The following ARHGAP15 variants were observed in gnomAD, a reference collection of about 807,000 sequenced individuals.
The protein encoded by ARHGAP15 is Rho GTPase activating protein 15.
ARHGAP15 carries 51 observed loss-of-function variants against 63.7 expected under a neutral mutation model. The ratio of observed to expected loss-of-function variants is 0.80; its 90% CI spans 0.64 to 1.01. The LOEUF is 1.01. Among genes scored for constraint, ARHGAP15 ranks in the 50% least tolerant of loss-of-function variants. The probability of loss-of-function intolerance (pLI) is 0.00; values close to 1 mark genes in which losing one functional copy is unlikely to be tolerated. For synonymous variants in ARHGAP15, 191 were observed against 193.8 expected, an observed-to-expected ratio of 0.99 and a Z score of 0.12; for missense variants, 560 against 564.6, an observed-to-expected ratio of 0.99 and a Z score of 0.08.
chr2:143,191,124 G>GA (rs1691671257), intron 2 of ARHGAP15, among the ~76,000 whole-genome samples: 2 of 152,120 alleles, frequency 1.3e-5, no homozygotes. Context: ...AAAAGGTCAG[G>GA]TTTTTTTCTT....
intron 10 of ARHGAP15, among the ~76,000 whole-genome samples, chr2:143,544,985 C>A (rs1193442296): frequency 6.6e-6 from 1 of 152,160 alleles, no homozygotes; most frequent in African/African-American, 2.4e-5. Flanking sequence ...TTAGGAGCAC[C>A]TTCTTCTTTG....
intron 6 of ARHGAP15, among the ~76,000 whole-genome samples, chr2:143,337,479 G>A (rs1176655313): frequency 6.6e-6 from 1 of 152,106 alleles, no homozygotes; most frequent in African/African-American, 2.4e-5. Flanking sequence ...CAGGGATTTT[G>A]CCTACCTAGG....
At chr2:143,446,861 G>A (rs1690167682) in intron 8 of ARHGAP15, among the ~76,000 whole-genome samples, 1 of 144,828 alleles carries the variant, frequency 6.9e-6, no homozygotes, top group African/African-American at 2.6e-5. Context: ...TCCCACCTAT[G>A]AGTGAGAATA....
intron 12 of ARHGAP15, among the ~76,000 whole-genome samples, chr2:143,664,736 T>A (rs984290888): frequency 6.6e-6 from 1 of 152,014 alleles, no homozygotes; most frequent in Non-Finnish European, 1.5e-5. Context: ...AAAGGGGATA[T>A]CACCACCGAT....
At position 143,439,459 on chromosome 2, in the gene ARHGAP15, A is replaced by G. The variant is rs1384353939; in HGVS notation, c.703+2417A>G. ...AAAAAAAAAAAAAAAGGGAAGAGAT[A>G]CATGATTTATTCTATTCATTTCAAA... On this transcript the variant is annotated intron_variant, in intron 8 of 13. Coordinates refer to ENST00000295095, the MANE Select transcript of ARHGAP15 (RefSeq NM_018460.4). Among the ~76,000 whole-genome samples the G allele has an allele frequency of 6.0e-5, 9 of 149,384 alleles. No homozygotes were observed. The South Asian group carries it at 1.1e-3, about 18-fold the overall frequency.
intron 6 of ARHGAP15, among the ~76,000 whole-genome samples, chr2:143,258,329 A>C (rs1284104579): frequency 6.6e-6 from 1 of 152,102 alleles, no homozygotes; most frequent in African/African-American, 2.4e-5. Context: ...GCGGTGAGCA[A>C]AGCTGAAACC....
chr2:143,372,052 C>T (rs1686583236), intron 6 of ARHGAP15, among the ~76,000 whole-genome samples: 1 of 148,970 alleles, frequency 6.7e-6, no homozygotes, highest in African/African-American at 2.5e-5. Flanking sequence ...ATAAATAGGA[C>T]TAGTCAGCTG....
intron 6 of ARHGAP15, among the ~76,000 whole-genome samples, chr2:143,343,246 G>A (rs1685138616): frequency 1.3e-5 from 2 of 152,064 alleles, no homozygotes; most frequent in African/African-American, 4.8e-5. Context: ...GGACAAGGGA[G>A]CATGGAGAGA....
intron 5 of ARHGAP15, among the ~76,000 whole-genome samples, chr2:143,231,904 G>A (rs1223289781): frequency 6.6e-6 from 1 of 152,162 alleles, no homozygotes; most frequent in African/African-American, 2.4e-5. Context: ...TTCACATAAG[G>A]CCACTAATCC....
intron 3 of ARHGAP15, among the ~76,000 whole-genome samples, chr2:143,204,011 A>T (rs1181005108): frequency 1.3e-5 from 2 of 152,074 alleles, no homozygotes; most frequent in Non-Finnish European, 2.9e-5. Flanking sequence ...ATTTCACAAG[A>T]TGGAGAAGCA....
intron 5 of ARHGAP15, chr2:143,235,920 G>A: frequency 6.5e-7 from 1 of 1,538,112 alleles, no homozygotes; most frequent in Non-Finnish European, 8.8e-7. Flanking sequence ...TGACTCCTAA[G>A]TACCTGCTGT....
intron 6 of ARHGAP15, among the ~76,000 whole-genome samples, chr2:143,330,681 T>A (rs538237938): frequency 6.6e-6 from 1 of 152,332 alleles, no homozygotes; most frequent in African/African-American, 2.4e-5. Context: ...TAATTCAGTT[T>A]GTCCTTAAGG....
chr2:143,304,966 C>T (rs1008153943), intron 6 of ARHGAP15, among the ~76,000 whole-genome samples: 1 of 151,922 alleles, frequency 6.6e-6, no homozygotes, highest in African/African-American at 2.4e-5. Flanking sequence ...CCTAGCAATC[C>T]CATTACTAGG....
chr2:143,178,696 C>A (rs771844638), intron 2 of ARHGAP15, among the ~76,000 whole-genome samples: 31 of 152,098 alleles, frequency 2.0e-4, no homozygotes, highest in Non-Finnish European at 3.8e-4. Context: ...TGGCCTCAAG[C>A]AATCCTCCCG....
chr2:143,433,296 A>T (rs1689468492), intron 6 of ARHGAP15, among the ~76,000 whole-genome samples: 1 of 152,084 alleles, frequency 6.6e-6, no homozygotes, highest in Non-Finnish European at 1.5e-5. Context: ...TACTGACTGT[A>T]ATTAAGAAGT....
chr2:143,757,861 T>C (rs968600321), intron 13 of ARHGAP15, among the ~76,000 whole-genome samples: 4 of 151,526 alleles, frequency 2.6e-5, no homozygotes, highest in African/African-American at 7.3e-5. Flanking sequence ...AAAGATAAAA[T>C]CCAAAAGAAA....
At chr2:143,714,298 T>C (rs1574878159) in intron 13 of ARHGAP15, among the ~76,000 whole-genome samples, 1 of 152,318 alleles carries the variant, frequency 6.6e-6, no homozygotes, top group East Asian at 1.9e-4. Flanking sequence ...CTTTCAGCCA[T>C]GGCTGGAGTG....
chr2:143,157,987 C>G (rs953944213), intron 2 of ARHGAP15, among the ~76,000 whole-genome samples: 1 of 151,680 alleles, frequency 6.6e-6, no homozygotes, highest in Non-Finnish European at 1.5e-5. Context: ...AGAAAAAAAT[C>G]AAAAGTATTT....
intron 5 of ARHGAP15, chr2:143,235,831 C>T: frequency 7.9e-7 from 1 of 1,269,276 alleles, no homozygotes; most frequent in Non-Finnish European, 1.1e-6. Flanking sequence ...GACTCACACT[C>T]CTTGTATTTT....
Sources: allele counts gnomAD v4.1 joint callset (sites outside exome capture counted in the v4.1 genomes callset), GRCh38; gene constraint gnomAD v4.1.1; transcripts MANE v1.5; gene names NCBI Gene and HGNC (gene_info 2026-07-23, HGNC 2026-07-21).